SHANK2: variants seen among roughly 807,000 people sequenced by gnomAD.
The protein encoded by SHANK2 is SH3 and multiple ankyrin repeat domains protein 2.
In SHANK2, 43 loss-of-function variants were observed where a neutral mutation model predicts 133.7. The ratio of observed to expected loss-of-function variants is 0.32; its 90% CI spans 0.25 to 0.41. The LOEUF (loss-of-function observed/expected upper bound fraction) is 0.41. Ranked by LOEUF, SHANK2 falls within the 10% of genes least tolerant of loss-of-function variation. SHANK2 has a pLI of 1.00. For synonymous variants in SHANK2, 1,017 were observed against 952.8 expected, an observed-to-expected ratio of 1.07 and a Z score of -1.24; for missense variants, 1,994 against 2,235.8, an observed-to-expected ratio of 0.89 and a Z score of 2.18.
chr11:70,877,302 T>A (rs970371460), intron 11 of SHANK2, among the ~76,000 whole-genome samples: 1 of 152,258 alleles, frequency 6.6e-6, no homozygotes, highest in Admixed American at 6.5e-5. Context: ...CCTCACCCTA[T>A]GCCGATGGCC....
chr11:70,580,658 C>T (rs1287250666), intron 17 of SHANK2, among the ~76,000 whole-genome samples: 4 of 152,232 alleles, frequency 2.6e-5, no homozygotes, highest in East Asian at 3.9e-4. Flanking sequence ...ACTGGCTCAG[C>T]GGTTACAGGA....
intron 10 of SHANK2, among the ~76,000 whole-genome samples, chr11:70,899,267 G>A (rs548649533): frequency 1.6e-4 from 24 of 152,278 alleles, no homozygotes; most frequent in Admixed American, 1.4e-3. Context: ...GATAGTGAGT[G>A]AGTTCTCATG....
At chr11:71,216,680 T>G (rs919855149) in intron 2 of SHANK2, among the ~76,000 whole-genome samples, 8 of 152,160 alleles carry the variant, frequency 5.3e-5, no homozygotes, top group African/African-American at 1.7e-4. Flanking sequence ...AGCTGAAAAC[T>G]TTTTATCACC....
At chr11:70,932,962 T>C (rs984224324) in intron 10 of SHANK2, among the ~76,000 whole-genome samples, 1 of 152,230 alleles carries the variant, frequency 6.6e-6, no homozygotes, top group Non-Finnish European at 1.5e-5. Context: ...CAGCCGTTCC[T>C]GGAAAAATCA....
chr11:70,943,193 A>G (rs1950672037), intron 10 of SHANK2: 1 of 429,494 alleles, frequency 2.3e-6, no homozygotes. Context: ...TCAGTCACCG[A>G]CATGTTCAAA....
chr11:70,598,960 A>G (rs2136307139), intron 17 of SHANK2, among the ~76,000 whole-genome samples: 1 of 148,272 alleles, frequency 6.7e-6, no homozygotes, highest in African/African-American at 2.5e-5. Context: ...GTCAACAGAA[A>G]TTTTGAAAGC....
chr11:71,198,230 TG>T (rs1401469396), intron 2 of SHANK2, among the ~76,000 whole-genome samples: 28 of 152,274 alleles, frequency 1.8e-4, no homozygotes, highest in African/African-American at 5.1e-4. Context: ...ACTGCAGACA[TG>T]AGCCACTGTA....
At chr11:70,634,463 A>G (rs1200598458) in intron 17 of SHANK2, 1 of 152,246 alleles carries the variant, frequency 6.6e-6, no homozygotes, top group Non-Finnish European at 1.5e-5. Context: ...CAGCTAAAGA[A>G]TGGGAGGAAA....
At position 71,124,885 on chromosome 11, in the gene SHANK2, C is replaced by G. The variant is rs554008317; in HGVS notation, c.208-5853G>C. 1.8e-4 allele frequency among the ~76,000 whole-genome samples: 28 copies of G among 152,288 alleles called. No homozygotes were observed. In the South Asian group the frequency reaches 5.6e-3, roughly 31 times the overall value. On this transcript the variant is annotated intron_variant, in intron 3 of 25. Coordinates refer to ENST00000601538, the MANE Select transcript of SHANK2 (RefSeq NM_012309.5). ...AAATCTATCGGCATTATTTCTCCAA[C>G]AGCACACGCTCACTTCATATCTCTG...
intron 12 of SHANK2, among the ~76,000 whole-genome samples, chr11:70,814,183 G>A (rs1948338316): frequency 6.6e-6 from 1 of 152,198 alleles, no homozygotes; most frequent in Non-Finnish European, 1.5e-5. Context: ...ACTTAGCTGA[G>A]TATGGTGGAG....
At chr11:70,874,262 C>G (rs1949519172) in intron 11 of SHANK2, among the ~76,000 whole-genome samples, 1 of 151,970 alleles carries the variant, frequency 6.6e-6, no homozygotes, top group Non-Finnish European at 1.5e-5. Flanking sequence ...CTAATCTAAT[C>G]TAATCCAATC....
intron 14 of SHANK2, among the ~76,000 whole-genome samples, chr11:70,797,678 A>G (rs1555049428): frequency 6.6e-6 from 1 of 152,228 alleles, no homozygotes; most frequent in African/African-American, 2.4e-5. Context: ...CAGGCTCCGC[A>G]CAAGAAGGCG....
chr11:70,838,912 G>C (rs1417123599), intron 11 of SHANK2, among the ~76,000 whole-genome samples: 2 of 152,108 alleles, frequency 1.3e-5, no homozygotes, highest in African/African-American at 4.8e-5. Flanking sequence ...AATTAATGTG[G>C]GCCTTACAAG....
At chr11:70,954,907 G>A in intron 10 of SHANK2, among the ~76,000 whole-genome samples, 1 of 152,220 alleles carries the variant, frequency 6.6e-6, no homozygotes, top group East Asian at 1.9e-4. Flanking sequence ...TGTGTGACCT[G>A]GGCTCTTCAT....
chr11:71,148,431 A>C (rs1389366781), intron 2 of SHANK2, among the ~76,000 whole-genome samples: 4 of 152,142 alleles, frequency 2.6e-5, no homozygotes, highest in African/African-American at 9.7e-5. Flanking sequence ...ACAGCCATCC[A>C]CTATTTGGTG....
intron 17 of SHANK2, among the ~76,000 whole-genome samples, chr11:70,628,112 A>G: frequency 6.6e-6 from 1 of 152,192 alleles, no homozygotes; most frequent in Non-Finnish European, 1.5e-5. Context: ...GGCGCATGCC[A>G]CCATGCCCAG....
intron 14 of SHANK2, among the ~76,000 whole-genome samples, chr11:70,757,087 T>C (rs1946892295): frequency 6.6e-6 from 1 of 152,208 alleles, no homozygotes; most frequent in Admixed American, 6.5e-5. Context: ...GCTTAATAAA[T>C]GTGACTATTC....
intron 7 of SHANK2, among the ~76,000 whole-genome samples, chr11:71,093,059 G>GGA (rs1555094498): frequency 7.0e-6 from 1 of 143,078 alleles, no homozygotes; most frequent in African/African-American, 2.5e-5. Flanking sequence ...AAAGGGGGGG[G>GGA]GGGGCAGGTA....
intron 14 of SHANK2, among the ~76,000 whole-genome samples, chr11:70,704,705 C>A (rs188140969): frequency 1.3e-5 from 2 of 152,164 alleles, no homozygotes; most frequent in South Asian, 2.1e-4. Flanking sequence ...CAGCTCATGG[C>A]GGAAGACAGA....
Sources: allele counts gnomAD v4.1 joint callset (sites outside exome capture counted in the v4.1 genomes callset), GRCh38; gene constraint gnomAD v4.1.1; transcripts MANE v1.5; gene names NCBI Gene and HGNC (gene_info 2026-07-23, HGNC 2026-07-21).